Variants in MBP observed in about 807,000 individuals in gnomAD.
MBP encodes the protein myelin basic protein.
In MBP, 16 loss-of-function variants were observed where a neutral mutation model predicts 35.8. The observed-to-expected ratio is 0.45, with a 90% CI of 0.30 to 0.68. The LOEUF is 0.68. Ranked by LOEUF, MBP falls within the 30% of genes least tolerant of loss-of-function variation. The probability of loss-of-function intolerance (pLI) is 0.08; values close to 1 mark genes in which losing one functional copy is unlikely to be tolerated. For synonymous variants in MBP, 143 were observed against 159.6 expected, an observed-to-expected ratio of 0.90 and a Z score of 0.78; for missense variants, 380 against 404.7, an observed-to-expected ratio of 0.94 and a Z score of 0.52.
intron 2 of MBP, among the ~76,000 whole-genome samples, chr18:77,078,812 T>A (rs535016396): frequency 2.0e-5 from 3 of 152,210 alleles, no homozygotes; most frequent in Non-Finnish European, 4.4e-5. Context: ...TCGGGTGGAC[T>A]CCACCAATGA....
At chr18:77,063,684 G>T (rs1430821196) in intron 3 of MBP, among the ~76,000 whole-genome samples, 2 of 152,168 alleles carry the variant, frequency 1.3e-5, no homozygotes, top group African/African-American at 4.8e-5. Context: ...TGAAATGATG[G>T]AAATATTCTG....
At chr18:77,104,149 A>T (rs1176739611) in intron 2 of MBP, among the ~76,000 whole-genome samples, 1 of 152,182 alleles carries the variant, frequency 6.6e-6, no homozygotes, top group Non-Finnish European at 1.5e-5. Flanking sequence ...TGCGCTAAGG[A>T]CTTCCTGGAA....
intron 2 of MBP, chr18:77,067,673 G>A (rs959047738): frequency 7.8e-6 from 3 of 386,326 alleles, no homozygotes; most frequent in East Asian, 1.5e-4. Context: ...CAGCAGCACC[G>A]GGAGGCTGCT....
chr18:77,061,532 A>G (rs1460647457), intron 3 of MBP, among the ~76,000 whole-genome samples: 1 of 152,212 alleles, frequency 6.6e-6, no homozygotes, highest in Non-Finnish European at 1.5e-5. Flanking sequence ...AAAAGCACAC[A>G]GCTAAAAGGT....
intron 4 of MBP, among the ~76,000 whole-genome samples, chr18:76,997,722 C>A (rs2974262): frequency 4.9e-4 from 74 of 149,970 alleles, no homozygotes; most frequent in Middle Eastern, 3.4e-3. Context: ...TCACTTTGTC[C>A]CCCAGGCTGG....
intron 4 of MBP, among the ~76,000 whole-genome samples, chr18:76,993,853 G>C (rs1970115863): frequency 6.6e-6 from 1 of 152,202 alleles, no homozygotes; most frequent in African/African-American, 2.4e-5. Context: ...TCCCAGGCAG[G>C]TGCCGTGGGC....
intron 3 of MBP, among the ~76,000 whole-genome samples, chr18:77,061,306 G>C (rs1361306564): frequency 6.6e-6 from 1 of 152,204 alleles, no homozygotes; most frequent in African/African-American, 2.4e-5. Context: ...ATTTAAGCAG[G>C]AAAAATTCTT....
chr18:77,089,243 C>T (rs1010684422), intron 2 of MBP, among the ~76,000 whole-genome samples: 1 of 152,220 alleles, frequency 6.6e-6, no homozygotes, highest in Non-Finnish European at 1.5e-5. Context: ...GGCCCTGTCT[C>T]CCTCCCTCGG....
intron 4 of MBP, among the ~76,000 whole-genome samples, chr18:76,990,313 G>A (rs1969824101): frequency 6.6e-6 from 1 of 152,088 alleles, no homozygotes; most frequent in South Asian, 2.1e-4. Flanking sequence ...GGATGGGGTT[G>A]GGAGGTGAAG....
intron 4 of MBP, among the ~76,000 whole-genome samples, chr18:76,997,349 C>CT (rs1169930879): frequency 6.6e-6 from 1 of 152,242 alleles, no homozygotes; most frequent in Non-Finnish European, 1.5e-5. Flanking sequence ...CTGACGCCAC[C>CT]TGTGTGGCCT....
Position 76,980,904 on chromosome 18 carries a change from C to G in MBP, c.871-433G>C, listed in dbSNP as rs146359385. 1,560 of 178,482 alleles carry G rather than the reference C, an allele frequency of 8.7e-3. 15 individuals are homozygous for G. Among genetic ancestry groups the G allele is most frequent in the Middle Eastern group, 0.019 (7 of 378 alleles). 11.1% of individuals were successfully genotyped at this position (178,482 alleles called of 1,614,324 possible). A position where few individuals can be genotyped will look rare whatever the true frequency, so the allele number is the denominator to read the frequency against. ...CGGCGGGACCCTAGCACACCCCTTG[C>G]TACACGCGCCAGCAAAGAGCAAAGC... On this transcript the variant is annotated intron_variant, in intron 8 of 8. Coordinates refer to ENST00000355994, the MANE Select transcript of MBP (RefSeq NM_001025101.2).
In MBP at chr18:77,061,067, G is replaced by A. The variant is rs577725546; in HGVS notation, c.139+5231C>T. ...ATGCCTATCAAAGTCCTGGCTCTGG[G>A]AAGGGACCCCAAGTTCTTGTAATTC... is the stretch of plus-strand genomic sequence containing the variant. On this transcript the variant is annotated intron_variant, in intron 3 of 8. Coordinates refer to ENST00000355994, the MANE Select transcript of MBP (RefSeq NM_001025101.2). Among the ~76,000 whole-genome samples the A allele has an allele frequency of 3.6e-4, 55 of 152,334 alleles. No individual in the cohort carries two copies. In the South Asian group the frequency reaches 0.01, roughly 28 times the overall value.
At chr18:77,105,774 AAG>A (rs1976256128) in intron 1 of MBP, among the ~76,000 whole-genome samples, 1 of 152,268 alleles carries the variant, frequency 6.6e-6, no homozygotes, top group African/African-American at 2.4e-5. Context: ...TGAGCACAGA[AAG>A]AGCCAACATT....
At chr18:76,986,684 CT>C in intron 7 of MBP, 1 of 985,536 alleles carries the variant, frequency 1.0e-6, no homozygotes, top group Non-Finnish European at 1.2e-6. Context: ...TTCATGCTCA[CT>C]CCCTGATGGC....
At position 77,016,975 on chromosome 18, in the gene MBP, C is replaced by T. The variant is rs747550915; in HGVS notation, c.433G>A (p.Gly145Arg). Residue 145 changes from glycine to arginine, a missense_variant, in exon 4 of 9, where the codon GGA (glycine) becomes AGA (arginine). Gly to Arg is a moderately radical substitution (Grantham distance 125). Transcript: ENST00000355994. ...ASQKRPSQRH[G>R]SKYLATASTM... ...CTTGCTGTGGCCAGGTACTTGGATC[C>T]GTGCCTCTGGGAGGGTCTCTTCTGT... The T allele has an allele frequency of 2.5e-5, 41 of 1,613,852 alleles. No homozygotes were observed. The South Asian group carries it at 4.0e-4, about 16-fold the overall frequency.
intron 3 of MBP, among the ~76,000 whole-genome samples, chr18:77,033,845 T>C (rs1972641175): frequency 6.6e-6 from 1 of 151,700 alleles, no homozygotes; most frequent in African/African-American, 2.4e-5. Context: ...TATCCATCCA[T>C]CCATCCATCC....
At chr18:77,069,755 G>A (rs1395696210) in intron 2 of MBP, among the ~76,000 whole-genome samples, 7 of 152,158 alleles carry the variant, frequency 4.6e-5, no homozygotes, top group Non-Finnish European at 1.0e-4. Context: ...GGAATTTTGT[G>A]TCCTGTGCGC....
intron 3 of MBP, among the ~76,000 whole-genome samples, chr18:77,029,346 G>A (rs1972441027): frequency 6.7e-6 from 1 of 149,360 alleles, no homozygotes; most frequent in Non-Finnish European, 1.5e-5. Flanking sequence ...GTTGCAGTGA[G>A]CCGAGATGGC....
chr18:77,118,120 T>G (rs1392706924), intron 1 of MBP, among the ~76,000 whole-genome samples: 3 of 23,398 alleles, frequency 1.3e-4, no homozygotes, highest in East Asian at 1.1e-3. Flanking sequence ...ATGGGGACAG[T>G]GGGTTGGGGT....
Sources: gnomAD v4.1 joint callset for allele counts (sites outside exome capture counted in the v4.1 genomes callset) on GRCh38, gnomAD v4.1.1 for gene constraint, MANE v1.5 for transcripts, NCBI Gene and HGNC (gene_info 2026-07-23, HGNC 2026-07-21) for gene names.